ZRANB3: variants seen among roughly 807,000 people sequenced by gnomAD.
The protein encoded by ZRANB3 is DNA annealing helicase and endonuclease ZRANB3.
In ZRANB3, 125 loss-of-function variants were observed where a neutral mutation model predicts 133.8. The observed-to-expected ratio is 0.93, with a 90% CI of 0.81 to 1.08. The LOEUF is 1.08. ZRANB3 is among the 50% of genes least tolerant of loss of function. The pLI is 0.00. For synonymous variants in ZRANB3, 387 were observed against 432.7 expected, an observed-to-expected ratio of 0.89 and a Z score of 1.31; for missense variants, 1,229 against 1,275.5, an observed-to-expected ratio of 0.96 and a Z score of 0.56.
chr2:135,511,022 T>C lies in ZRANB3; in HGVS notation c.-7-6526A>G. ...GTCCCCTTTGGGGAGGAATATTTCTTCGTTGTTCTCACATCCTTTGATCCC... is the reference window on the plus strand; with the variant it reads ...GTCCCCTTTGGGGAGGAATATTTCTCCGTTGTTCTCACATCCTTTGATCCC... On this transcript the variant is annotated intron_variant, in intron 1 of 20. Transcript: ENST00000264159. 6.4e-6 allele frequency: 5 copies of C among 780,718 alleles called. No homozygotes were observed. In the South Asian group the frequency reaches 6.7e-5, roughly 10 times the overall value. The allele number at this position is 780,718 out of a possible 1,614,324, so 48.4% of individuals were successfully genotyped here. A position where few individuals can be genotyped will look rare whatever the true frequency, so the allele number is the denominator to read the frequency against.
intron 3 of ZRANB3, among the ~76,000 whole-genome samples, chr2:135,382,219 G>C (rs990642779): frequency 6.6e-6 from 1 of 152,070 alleles, no homozygotes; most frequent in Non-Finnish European, 1.5e-5. Context: ...TAGCCGATTC[G>C]ATCAACTGGA....
intron 3 of ZRANB3, among the ~76,000 whole-genome samples, chr2:135,375,050 G>A (rs943997365): frequency 6.6e-6 from 1 of 152,028 alleles, no homozygotes; most frequent in Non-Finnish European, 1.5e-5. Flanking sequence ...TAATACCAAC[G>A]GCTAGTGAGG....
intron 5 of ZRANB3, among the ~76,000 whole-genome samples, chr2:135,347,580 C>A (rs1684999614): frequency 1.3e-5 from 2 of 152,166 alleles, no homozygotes; most frequent in Non-Finnish European, 1.5e-5. Flanking sequence ...TTGCTCCCGG[C>A]CTGTTTTCAG....
rs755544895 is a variant in ZRANB3 at position 135,353,498 on chromosome 2, T to C, written c.311A>G (p.Glu104Gly). The C allele has an allele frequency of 1.9e-6, 3 of 1,609,916 alleles. No individual in the cohort carries two copies. ...WTEEIEKWIPELSPEEINVIQ... is the reference protein window; with the variant it reads ...WTEEIEKWIPGLSPEEINVIQ... ...AACATTGATTTCTTCTGGACTTAGC[T>C]CTGGGATCCATTTTTCAATTTCTTC... The change falls in exon 4 of 21, where the codon GAG (glutamate) becomes GGG (glycine). Residue 104 changes from glutamate to glycine, a missense_variant. Coordinates refer to ENST00000264159, the MANE Select transcript of ZRANB3 (RefSeq NM_032143.4).
chr2:135,525,021 A>T (rs539685049), intron 1 of ZRANB3, among the ~76,000 whole-genome samples: 2 of 152,238 alleles, frequency 1.3e-5, no homozygotes, highest in Non-Finnish European at 2.9e-5. Context: ...CTATAAAAAA[A>T]GATGGATAGA....
chr2:135,470,351 A>G (rs1014123188), intron 2 of ZRANB3, among the ~76,000 whole-genome samples: 1 of 150,890 alleles, frequency 6.6e-6, no homozygotes, highest in African/African-American at 2.4e-5. Context: ...AAAATACTCT[A>G]AAAGTAGGTA....
In ZRANB3 at chr2:135,440,385, C is replaced by A. The variant is rs1689727487; in HGVS notation, c.162-49565G>T. ...TTGCACACCAGCCTGGGCGACAGAG[C>A]AAGGAAGGCTCTGTCTAAAAAAAAA... is the stretch of plus-strand genomic sequence containing the variant. On this transcript the variant is annotated intron_variant, in intron 2 of 20. Transcript: ENST00000264159. Among the ~76,000 whole-genome samples, 3 of 151,492 alleles carry A rather than the reference C, an allele frequency of 2.0e-5. No homozygotes were observed. The South Asian group carries it at 6.3e-4, about 32-fold the overall frequency.
intron 2 of ZRANB3, among the ~76,000 whole-genome samples, chr2:135,484,983 C>A (rs1056224206): frequency 1.1e-4 from 17 of 151,756 alleles, no homozygotes; most frequent in African/African-American, 4.1e-4. Flanking sequence ...TTGCAGTGAG[C>A]CAAGAATGCG....
intron 2 of ZRANB3, among the ~76,000 whole-genome samples, chr2:135,490,164 G>C (rs1262144168): frequency 1.3e-5 from 2 of 152,186 alleles, no homozygotes; most frequent in Admixed American, 1.3e-4. Context: ...AGGAAATAAA[G>C]TGGGCCTGAG....
intron 2 of ZRANB3, among the ~76,000 whole-genome samples, chr2:135,409,763 C>T (rs569806368): frequency 2.6e-5 from 4 of 152,126 alleles, no homozygotes; most frequent in African/African-American, 9.7e-5. Context: ...ACCTGATAAA[C>T]AAGTTCAGTA....
intron 8 of ZRANB3, among the ~76,000 whole-genome samples, chr2:135,289,180 T>C (rs1681552868): frequency 6.6e-6 from 1 of 152,202 alleles, no homozygotes; most frequent in African/African-American, 2.4e-5. Context: ...ATTTTATTGT[T>C]GACTCAGTGA....
intron 3 of ZRANB3, among the ~76,000 whole-genome samples, chr2:135,360,067 A>T (rs549824841): frequency 1.1e-4 from 17 of 152,342 alleles, no homozygotes; most frequent in African/African-American, 3.4e-4. Context: ...TAAAATTTGA[A>T]AAGGACTACC....
At chr2:135,344,813 T>G (rs1156974440) in intron 6 of ZRANB3, among the ~76,000 whole-genome samples, 1 of 152,144 alleles carries the variant, frequency 6.6e-6, no homozygotes, top group African/African-American at 2.4e-5. Flanking sequence ...AGATCTACAA[T>G]ACATACTAGA....
chr2:135,453,112 A>G (rs1690347339), intron 2 of ZRANB3, among the ~76,000 whole-genome samples: 1 of 152,248 alleles, frequency 6.6e-6, no homozygotes, highest in African/African-American at 2.4e-5. Flanking sequence ...TGCAGGCTCA[A>G]TAACAAATGG....
At chr2:135,468,333 C>T (rs1371338410) in intron 2 of ZRANB3, among the ~76,000 whole-genome samples, 1 of 152,188 alleles carries the variant, frequency 6.6e-6, no homozygotes, top group African/African-American at 2.4e-5. Flanking sequence ...ATATCCCACC[C>T]TATCTAGTTA....
At chr2:135,335,669 G>A (rs948884559) in intron 6 of ZRANB3, among the ~76,000 whole-genome samples, 1 of 151,668 alleles carries the variant, frequency 6.6e-6, no homozygotes, top group Non-Finnish European at 1.5e-5. Context: ...CTCCAACCCA[G>A]GCAAAAGAGC....
intron 1 of ZRANB3, among the ~76,000 whole-genome samples, chr2:135,508,533 A>C (rs1176685560): frequency 6.6e-6 from 1 of 152,224 alleles, no homozygotes; most frequent in African/African-American, 2.4e-5. Flanking sequence ...ATTAAATATG[A>C]AGATAAAAGA....
intron 6 of ZRANB3, among the ~76,000 whole-genome samples, chr2:135,318,168 A>G (rs1683346115): frequency 6.6e-6 from 1 of 151,576 alleles, no homozygotes; most frequent in African/African-American, 2.4e-5. Flanking sequence ...ATTATATTAA[A>G]TATATTTCTT....
intron 3 of ZRANB3, among the ~76,000 whole-genome samples, chr2:135,358,658 G>C (rs557587463): frequency 6.6e-6 from 1 of 152,032 alleles, no homozygotes; most frequent in African/African-American, 2.4e-5. Flanking sequence ...AGAAAAAAAA[G>C]TTTCTCAAGT....
Sources: gnomAD v4.1 joint callset for allele counts (sites outside exome capture counted in the v4.1 genomes callset) on GRCh38, gnomAD v4.1.1 for gene constraint, MANE v1.5 for transcripts, NCBI Gene and HGNC (gene_info 2026-07-23, HGNC 2026-07-21) for gene names.